The following C17orf67 variants were observed in gnomAD, a reference collection of about 807,000 sequenced individuals.
C17orf67 encodes chromosome 17 open reading frame 67, also known as uncharacterized protein C17orf67.
A neutral mutation model predicts 11.2 loss-of-function variants in C17orf67; 12 were observed. That is an observed-to-expected ratio of 1.07 (90% confidence interval 0.68 to 1.73). C17orf67 has a LOEUF of 1.73. Ranked by LOEUF, C17orf67 falls within the 40% of genes most tolerant of loss-of-function variation. The pLI, the probability that C17orf67 is intolerant of heterozygous loss-of-function variation, is 0.00. For missense variants in C17orf67, 115 were observed against 113.5 expected, an observed-to-expected ratio of 1.01 and a Z score of -0.06; for synonymous variants, 59 against 46.9, an observed-to-expected ratio of 1.26 and a Z score of -1.05.
At chr17:56,818,216 G>T (rs1905810052) in intron 4 of C17orf67, among the ~76,000 whole-genome samples, 2 of 151,510 alleles carry the variant, frequency 1.3e-5, no homozygotes, top group Non-Finnish European at 2.9e-5. Context: ...TTTTGTATGT[G>T]TATATTCAAA....
At chr17:56,811,698 C>T (rs781072737) in intron 6 of C17orf67, among the ~76,000 whole-genome samples, 3 of 152,190 alleles carry the variant, frequency 2.0e-5, no homozygotes, top group Non-Finnish European at 4.4e-5. Context: ...ATCCTCAGTC[C>T]CTGGTGCTTA....
intron 6 of C17orf67, among the ~76,000 whole-genome samples, chr17:56,802,038 G>T (rs1347375398): frequency 4.6e-5 from 7 of 152,182 alleles, no homozygotes; most frequent in Non-Finnish European, 7.3e-5. Flanking sequence ...ACTAGCACTT[G>T]CTTCCTTAAG....
intron 2 of C17orf67, among the ~76,000 whole-genome samples, chr17:56,830,118 C>T (rs1458634520): frequency 4.7e-5 from 7 of 150,482 alleles, no homozygotes; most frequent in Non-Finnish European, 8.9e-5. Flanking sequence ...CTGAGGCAGG[C>T]GGATCATGAG....
At chr17:56,806,487 C>T (rs1905455161) in intron 6 of C17orf67, among the ~76,000 whole-genome samples, 1 of 152,182 alleles carries the variant, frequency 6.6e-6, no homozygotes, top group East Asian at 1.9e-4. Context: ...TAGAAATTTA[C>T]ATGCATATCC....
intron 4 of C17orf67, among the ~76,000 whole-genome samples, chr17:56,819,309 C>T (rs1234169088): frequency 3.3e-5 from 5 of 152,156 alleles, no homozygotes; most frequent in Non-Finnish European, 5.9e-5. Context: ...TTTGAAATTT[C>T]TCCTACTCAG....
intron 6 of C17orf67, among the ~76,000 whole-genome samples, chr17:56,808,047 T>G (rs1905499967): frequency 6.6e-6 from 1 of 152,190 alleles, no homozygotes; most frequent in Admixed American, 6.5e-5. Flanking sequence ...CTATGAAGTC[T>G]AGAATCCTAC....
chr17:56,805,971 C>CTTTTTTTTTTT (rs10684052), intron 6 of C17orf67, among the ~76,000 whole-genome samples: 1 of 98,018 alleles, frequency 1.0e-5, no homozygotes, highest in African/African-American at 4.0e-5. Context: ...GTTGATTTTC[C>CTTTTTTTTTTT]TTTTTTTTTT....
At chr17:56,820,400 G>C (rs573366699) in intron 4 of C17orf67, among the ~76,000 whole-genome samples, 1 of 152,314 alleles carries the variant, frequency 6.6e-6, no homozygotes, top group Admixed American at 6.5e-5. Context: ...ACCAGCCCTG[G>C]AGAAGACACC....
chr17:56,808,883 A>C (rs1905521097), intron 6 of C17orf67, among the ~76,000 whole-genome samples: 1 of 152,082 alleles, frequency 6.6e-6, no homozygotes, highest in African/African-American at 2.4e-5. Flanking sequence ...TTGAATTCTT[A>C]ACACCTCCCC....
chr17:56,801,058 C>T lies in C17orf67; in HGVS notation c.157-5878G>A, dbSNP rs1010026062. On this transcript the variant is annotated intron_variant, in intron 6 of 7. Transcript: ENST00000397861. Reference sequence around the variant, plus strand: ...GGTGAGGCTCAAACAAAACTCAAAACAAAAAACTTGTTCTTTTATGTTCCC... The same window carrying T: ...GGTGAGGCTCAAACAAAACTCAAAATAAAAAACTTGTTCTTTTATGTTCCC... Among the ~76,000 whole-genome samples the T allele has an allele frequency of 2.0e-5, 3 of 152,342 alleles. No homozygotes were observed. The South Asian group carries it at 6.2e-4, about 32-fold the overall frequency.
At chr17:56,816,273 T>C (rs1905759880) in intron 4 of C17orf67, among the ~76,000 whole-genome samples, 1 of 152,148 alleles carries the variant, frequency 6.6e-6, no homozygotes, top group Admixed American at 6.5e-5. Context: ...GGCAGGGAAA[T>C]TAGCAAGGGG....
intron 2 of C17orf67, among the ~76,000 whole-genome samples, chr17:56,830,216 G>C (rs1443193400): frequency 6.6e-6 from 1 of 151,818 alleles, no homozygotes; most frequent in East Asian, 1.9e-4. Context: ...GTGGTGGCGG[G>C]CACCTGTAGT....
intron 6 of C17orf67, among the ~76,000 whole-genome samples, chr17:56,799,082 A>G (rs1905264319): frequency 6.6e-6 from 1 of 152,140 alleles, no homozygotes; most frequent in Non-Finnish European, 1.5e-5. Flanking sequence ...CCATGACCCA[A>G]ACACCTCCCA....
At chr17:56,822,659 T>C (rs1053841538) in intron 4 of C17orf67, among the ~76,000 whole-genome samples, 9 of 152,216 alleles carry the variant, frequency 5.9e-5, no homozygotes, top group Non-Finnish European at 1.0e-4. Flanking sequence ...AAAAATGTTT[T>C]GAATGACTAA....
chr17:56,800,058 ATT>A (rs772880968), intron 6 of C17orf67, among the ~76,000 whole-genome samples: 8 of 96,290 alleles, frequency 8.3e-5, no homozygotes, highest in East Asian at 2.9e-4. Context: ...TTGCAAACTA[ATT>A]TTTTTTTTTT....
At chr17:56,794,208 T>G (rs1905166854) in intron 7 of C17orf67, among the ~76,000 whole-genome samples, 1 of 151,934 alleles carries the variant, frequency 6.6e-6, no homozygotes, top group African/African-American at 2.4e-5. Flanking sequence ...TTATAAAGAG[T>G]GATTAATAGG....
intron 6 of C17orf67, among the ~76,000 whole-genome samples, chr17:56,810,432 TCATA>T (rs1905594750): frequency 6.9e-6 from 1 of 144,118 alleles, no homozygotes; most frequent in Admixed American, 6.8e-5. Flanking sequence ...ACACACACCC[TCATA>T]CATACCCTCA....
chr17:56,805,289 A>G (rs1905418265), intron 6 of C17orf67, among the ~76,000 whole-genome samples: 1 of 152,220 alleles, frequency 6.6e-6, no homozygotes, highest in Non-Finnish European at 1.5e-5. Flanking sequence ...ATACAACTAC[A>G]AAAGCAGGTG....
chr17:56,830,038 G>C (rs983805270), intron 2 of C17orf67, among the ~76,000 whole-genome samples: 2 of 152,042 alleles, frequency 1.3e-5, no homozygotes, highest in Non-Finnish European at 2.9e-5. Context: ...TTTTTGGCTT[G>C]AGTATGTATT....
Sources: gnomAD v4.1 joint callset for allele counts (sites outside exome capture counted in the v4.1 genomes callset) on GRCh38, gnomAD v4.1.1 for gene constraint, MANE v1.5 for transcripts, NCBI Gene and HGNC (gene_info 2026-07-23, HGNC 2026-07-21) for gene names.